The following ADAMTSL1 variants were observed in gnomAD, a reference collection of about 807,000 sequenced individuals.
ADAMTSL1 encodes the protein ADAMTS like 1.
ADAMTSL1 carries 126 observed loss-of-function variants against 201.8 expected under a neutral mutation model. That is an observed-to-expected ratio of 0.62 (90% CI 0.54 to 0.72). The LOEUF is 0.72. Among genes scored for constraint, ADAMTSL1 ranks in the 30% least tolerant of loss-of-function variants. The pLI is 0.00. For synonymous variants in ADAMTSL1, 1,121 were observed against 903.4 expected, an observed-to-expected ratio of 1.24 and a Z score of -4.32; for missense variants, 2,679 against 2,277.8, an observed-to-expected ratio of 1.18 and a Z score of -3.59.
chr9:18,894,625 A>G (rs186066227), intron 26 of ADAMTSL1, among the ~76,000 whole-genome samples: 1 of 152,240 alleles, frequency 6.6e-6, no homozygotes, highest in Non-Finnish European at 1.5e-5. Flanking sequence ...TACAGAAAAA[A>G]AAGAGGGTGG....
chr9:18,168,511 A>T (rs1484917864), intron 2 of ADAMTSL1, among the ~76,000 whole-genome samples: 32 of 151,834 alleles, frequency 2.1e-4, no homozygotes, highest in African/African-American at 7.7e-4. Flanking sequence ...ACATTTTCTT[A>T]ATCCAGTCTA....
intron 14 of ADAMTSL1, chr9:18,718,288 C>T: frequency 1.3e-6 from 1 of 750,732 alleles, no homozygotes; most frequent in Non-Finnish European, 2.5e-6. Flanking sequence ...ATGGAATAAA[C>T]TAATGCAAAG....
intron 23 of ADAMTSL1, among the ~76,000 whole-genome samples, chr9:18,885,307 G>C (rs528117889): frequency 6.6e-6 from 1 of 152,186 alleles, no homozygotes; most frequent in Admixed American, 6.5e-5. Context: ...CATGAGGACA[G>C]AGCCCTCATG....
In ADAMTSL1 at chr9:18,777,673, C is replaced by T; in HGVS notation, c.3444C>T (p.Ser1148=). 1 of 1,613,660 alleles carries T rather than the reference C, an allele frequency of 6.2e-7. No homozygotes were observed. Among genetic ancestry groups the T allele is most frequent in the Non-Finnish European group, 8.5e-7 (1 of 1,179,820 alleles). Residue 1148 remains serine (S), a synonymous_variant, in exon 19 of 29, where the codon TCC becomes TCT. Coordinates refer to ENST00000380548, the MANE Select transcript of ADAMTSL1 (RefSeq NM_001040272.6). ...VSGFSSSLRT[S]STGDAGGGSR... The stretch of plus-strand genomic sequence containing the variant: ...GCTTCAGCAGCTCCCTGCGGACCTC[C>T]TCCACCGGGGACGCCGGGGGAGGCT...
intron 1 of ADAMTSL1, among the ~76,000 whole-genome samples, chr9:17,985,911 C>G (rs1755294): frequency 1.3e-5 from 2 of 151,896 alleles, no homozygotes; most frequent in African/African-American, 2.4e-5. Flanking sequence ...TTGGCTATGA[C>G]AAGCCAGAAT....
At chr9:18,818,043 T>G (rs1387751712) in intron 21 of ADAMTSL1, among the ~76,000 whole-genome samples, 1 of 152,080 alleles carries the variant, frequency 6.6e-6, no homozygotes, top group African/African-American at 2.4e-5. Context: ...TGTATAAAAA[T>G]ATTTACCTTC....
intron 3 of ADAMTSL1, among the ~76,000 whole-genome samples, chr9:18,539,286 C>G (rs1429997821): frequency 6.6e-6 from 1 of 152,118 alleles, no homozygotes; most frequent in Non-Finnish European, 1.5e-5. Flanking sequence ...GCAGCCTGCC[C>G]TTGGGGGAAG....
chr9:17,945,942 T>C (rs925419537), intron 1 of ADAMTSL1, among the ~76,000 whole-genome samples: 31 of 151,924 alleles, frequency 2.0e-4, no homozygotes, highest in African/African-American at 7.0e-4. Context: ...ATGGTGCACA[T>C]GTACCCTAAA....
intron 20 of ADAMTSL1, among the ~76,000 whole-genome samples, chr9:18,807,247 T>A (rs1405465580): frequency 6.6e-6 from 1 of 152,198 alleles, no homozygotes; most frequent in Non-Finnish European, 1.5e-5. Flanking sequence ...ACAAACAAAT[T>A]TACAGATTAA....
chr9:18,793,319 A>C (rs1822171330), intron 19 of ADAMTSL1: 1 of 152,232 alleles, frequency 6.6e-6, no homozygotes, highest in African/African-American at 2.4e-5. Flanking sequence ...GATCTCATTC[A>C]CTGCCAGACT....
chr9:18,723,042 C>T (rs777489090), intron 15 of ADAMTSL1: 69 of 779,712 alleles, frequency 8.8e-5, no homozygotes, highest in Admixed American at 2.7e-4. Flanking sequence ...CAGCATGGAA[C>T]GCCTGCAACG....
Position 17,915,159 on chromosome 9 carries a change from C to T in ADAMTSL1, c.87+8237C>T, listed in dbSNP as rs569952345. Among the ~76,000 whole-genome samples the T allele has an allele frequency of 2.0e-5, 3 of 152,238 alleles. No homozygotes were observed. In the South Asian group the frequency reaches 6.2e-4, roughly 32 times the overall value. On this transcript the variant is annotated intron_variant, in intron 1 of 29. Coordinates refer to the ADAMTSL1 transcript ENST00000680146. ...CCATCACCCTGAAGTTTCCTCATTA[C>T]CCTTTGCAATGTCTTCCTCCCTCCT...
At chr9:18,235,013 G>A (rs1321485195) in intron 2 of ADAMTSL1, among the ~76,000 whole-genome samples, 1 of 152,144 alleles carries the variant, frequency 6.6e-6, no homozygotes, top group East Asian at 1.9e-4. Flanking sequence ...TGGTACATTT[G>A]TCACAACTAA....
intron 2 of ADAMTSL1, among the ~76,000 whole-genome samples, chr9:18,441,321 A>G (rs1361075491): frequency 6.6e-6 from 1 of 152,170 alleles, no homozygotes; most frequent in Non-Finnish European, 1.5e-5. Flanking sequence ...TTGTATCTCA[A>G]TTTTTAAAAA....
intron 3 of ADAMTSL1, among the ~76,000 whole-genome samples, chr9:18,559,914 A>C (rs1821365214): frequency 6.6e-6 from 1 of 152,190 alleles, no homozygotes; most frequent in Non-Finnish European, 1.5e-5. Context: ...TGGGTCTGAG[A>C]CAGTGGGGTT....
intron 1 of ADAMTSL1, among the ~76,000 whole-genome samples, chr9:17,992,333 C>T (rs1189686678): frequency 1.3e-5 from 2 of 152,084 alleles, no homozygotes; most frequent in Non-Finnish European, 2.9e-5. Context: ...GAAGTGGGTA[C>T]CTCCTAGTAC....
At chr9:18,303,913 C>A (rs73428946) in intron 2 of ADAMTSL1, among the ~76,000 whole-genome samples, 2 of 152,016 alleles carry the variant, frequency 1.3e-5, no homozygotes, top group Non-Finnish European at 2.9e-5. Context: ...CTTTCACTTC[C>A]TCCTTTCTCT....
intron 1 of ADAMTSL1, among the ~76,000 whole-genome samples, chr9:18,015,238 GCT>G (rs1040062708): frequency 6.6e-6 from 1 of 151,998 alleles, no homozygotes; most frequent in Non-Finnish European, 1.5e-5. Flanking sequence ...TCTCTCTGGT[GCT>G]CTCTCTCAAT....
intron 1 of ADAMTSL1, among the ~76,000 whole-genome samples, chr9:17,968,990 T>G (rs1259222013): frequency 6.6e-6 from 1 of 152,032 alleles, no homozygotes; most frequent in Non-Finnish European, 1.5e-5. Flanking sequence ...TTGAGGCCCC[T>G]TTTTGAATCC....
Sources: gnomAD v4.1 joint callset for allele counts (sites outside exome capture counted in the v4.1 genomes callset) on GRCh38, gnomAD v4.1.1 for gene constraint, MANE v1.5 for transcripts, NCBI Gene and HGNC (gene_info 2026-07-23, HGNC 2026-07-21) for gene names.